Variants in ARID3A observed in about 807,000 individuals in gnomAD.
The protein encoded by ARID3A is AT-rich interaction domain 3A.
A neutral mutation model predicts 52.7 loss-of-function variants in ARID3A; 11 were observed. The ratio of observed to expected loss-of-function variants is 0.21; its 90% CI spans 0.13 to 0.35. The LOEUF (loss-of-function observed/expected upper bound fraction) is 0.35, where lower values mean the gene tolerates loss of function less well. ARID3A is among the 10% of genes least tolerant of loss of function. The pLI, the probability that ARID3A is intolerant of heterozygous loss-of-function variation, is 1.00. For missense variants in ARID3A, 721 were observed against 838.5 expected (o/e 0.86, Z 1.73); for synonymous variants, 404 against 359.4 (o/e 1.12, Z -1.40).
rs1036492946 is a variant in ARID3A at position 944,076 on chromosome 19, G to A, written c.693+11334G>A. On this transcript the variant is annotated intron_variant, in intron 3 of 8. Coordinates refer to ENST00000263620, the MANE Select transcript of ARID3A (RefSeq NM_005224.3). The surrounding 1 kb of genome is among the most constrained non-coding windows in gnomAD (Gnocchi z 5.9). The stretch of plus-strand genomic sequence containing the variant: ...TTACGGGGCATCTGTATGCCAGCCC[G>A]ACCCTCTCATGGGCACCTACAGGGT... 6.1e-5 allele frequency among the ~76,000 whole-genome samples: 9 copies of A among 147,226 alleles called. No homozygotes were observed. The highest frequency in any genetic ancestry group is 8.9e-5 in the Non-Finnish European group (6 of 67,242).
At chr19:957,185 TC>T (rs940522612) in intron 3 of ARID3A, among the ~76,000 whole-genome samples, 3 of 151,960 alleles carry the variant, frequency 2.0e-5, no homozygotes, top group Admixed American at 1.3e-4. Context: ...TGGAAGACGT[TC>T]CGGGGCCTGG....
chr19:971,530 C>T (rs913095767), intron 8 of ARID3A, among the ~76,000 whole-genome samples: 6 of 152,158 alleles, frequency 3.9e-5, no homozygotes, highest in Admixed American at 3.9e-4. Context: ...AGGAAAACTG[C>T]TTGAACCCAG....
intron 3 of ARID3A, among the ~76,000 whole-genome samples, chr19:933,516 C>T (rs2037376088): frequency 6.6e-6 from 1 of 152,180 alleles, no homozygotes; most frequent in African/African-American, 2.4e-5. Context: ...GGGGAGCCAC[C>T]TCCTCGCCCG....
At chr19:956,085 C>T (rs746620809) in intron 3 of ARID3A, among the ~76,000 whole-genome samples, 1 of 152,180 alleles carries the variant, frequency 6.6e-6, no homozygotes, top group Non-Finnish European at 1.5e-5. Flanking sequence ...AATTTGATCA[C>T]GTCTGCAAAG....
chr19:944,225 G>C lies in ARID3A; in HGVS notation c.693+11483G>C, dbSNP rs559474169. Among the ~76,000 whole-genome samples, 1 of 152,364 alleles carries C rather than the reference G, an allele frequency of 6.6e-6. No individual in the cohort carries two copies. Among genetic ancestry groups the C allele is most frequent in the East Asian group, 1.9e-4 (1 of 5,196 alleles). On this transcript the variant is annotated intron_variant, in intron 3 of 8. Coordinates refer to ENST00000263620, the MANE Select transcript of ARID3A (RefSeq NM_005224.3). The surrounding 1 kb of genome is among the most constrained non-coding windows in gnomAD (Gnocchi z 5.9). Reference sequence around the variant, plus strand: ...AGAAGCTCCTGCCGCCGGCACTGGAGTCCTGACGTCGGCAGCGCGGTGGAG... The same window carrying C: ...AGAAGCTCCTGCCGCCGGCACTGGACTCCTGACGTCGGCAGCGCGGTGGAG...
At chr19:939,322 T>C (rs2037498497) in intron 3 of ARID3A, among the ~76,000 whole-genome samples, 1 of 152,120 alleles carries the variant, frequency 6.6e-6, no homozygotes, top group African/African-American at 2.4e-5. Flanking sequence ...TTTCACCATG[T>C]TGCCCAGGGT....
rs915049974 is a variant in ARID3A, at chr19:942,783, C to T, written c.693+10041C>T. ...TTCCATGCCCAGCAGCCTCCTCTGC[C>T]ACCCTCAGAGACGGAGAACGTGAGA... On this transcript the variant is annotated intron_variant, in intron 3 of 8. Coordinates refer to ENST00000263620, the MANE Select transcript of ARID3A (RefSeq NM_005224.3). The surrounding 1 kb of genome is among the most constrained non-coding windows in gnomAD (Gnocchi z 8.1). Among the ~76,000 whole-genome samples the T allele has an allele frequency of 3.3e-5, 5 of 152,226 alleles. No individual in the cohort carries two copies. The highest frequency in any genetic ancestry group is 9.6e-5 in the African/African-American group (4 of 41,454).
chr19:927,369 G>T (rs1347508270), intron 1 of ARID3A, among the ~76,000 whole-genome samples: 1 of 151,416 alleles, frequency 6.6e-6, no homozygotes, highest in East Asian at 1.9e-4. Flanking sequence ...TGGCGGCGAT[G>T]GGGGGGCACC....
chr19:971,244 G>A (rs923466875), intron 8 of ARID3A, among the ~76,000 whole-genome samples: 3 of 152,216 alleles, frequency 2.0e-5, no homozygotes, highest in Non-Finnish European at 2.9e-5. Flanking sequence ...GAGGCAGGAG[G>A]ATTGTTTTAG....
chr19:929,466 C>T lies in ARID3A; in HGVS notation c.-63C>T. The T allele has an allele frequency of 3.5e-6, 5 of 1,428,822 alleles. No homozygotes were observed. The highest frequency in any genetic ancestry group is 4.6e-6 in the Non-Finnish European group (5 of 1,098,014). 88.5% of individuals were successfully genotyped at this position (1,428,822 alleles called of 1,614,324 possible). Reference sequence around the variant, plus strand: ...CTCCCCGCAGGGGCCGCCCCCGCCGCCCACCCCTAGCGCCCGTGGTGGTGG... The same window carrying T: ...CTCCCCGCAGGGGCCGCCCCCGCCGTCCACCCCTAGCGCCCGTGGTGGTGG... On this transcript the variant is annotated 5_prime_UTR_variant, in exon 2 of 9. Transcript: ENST00000263620. The surrounding 1 kb of genome is among the most constrained non-coding windows in gnomAD (Gnocchi z 6.2).
chr19:932,519 AG>A lies in ARID3A; in HGVS notation c.474del (p.Leu159TrpfsTer53). The A allele has an allele frequency of 6.5e-7, 1 of 1,536,136 alleles. No individual in the cohort carries two copies. The highest frequency in any genetic ancestry group is 8.7e-7 in the Non-Finnish European group (1 of 1,145,814). ...YEDEEEEEDE[E>X]GLGPPGPASL... ...GATGAGGAGGAGGAGGAGGACGAGG[AG>A]GGGCTGGGCCCCCCAGGCCCTGCCA... On this transcript the variant is annotated frameshift_variant, in exon 3 of 9. Coordinates refer to ENST00000263620, the MANE Select transcript of ARID3A (RefSeq NM_005224.3). LOFTEE classifies it high-confidence loss of function.
At chr19:971,708 G>A (rs1385829672) in intron 8 of ARID3A, among the ~76,000 whole-genome samples, 170 bp from the exon 9 acceptor site, 1 of 152,152 alleles carries the variant, frequency 6.6e-6, no homozygotes, top group Non-Finnish European at 1.5e-5. Flanking sequence ...GATCACTTGA[G>A]CCCATGAGGT....
intron 3 of ARID3A, among the ~76,000 whole-genome samples, chr19:935,025 C>G (rs914055046): frequency 6.6e-6 from 1 of 152,204 alleles, no homozygotes; most frequent in African/African-American, 2.4e-5. Context: ...CCCAACCAGC[C>G]CAGTCAGTGT....
rs2037208298 is a variant in ARID3A at position 926,740 on chromosome 19, CT to C, written c.-268+682del. 4.0e-5 allele frequency among the ~76,000 whole-genome samples: 6 copies of C among 151,746 alleles called. No homozygotes were observed. In the South Asian group the frequency reaches 1.0e-3, roughly 26 times the overall value. On this transcript the variant is annotated intron_variant, in intron 1 of 8. Transcript: ENST00000263620. The stretch of plus-strand genomic sequence containing the variant: ...GGCGGGGATACCCAGGAAGAGCCCC[CT>C]GACCCGTTTCAGGGCCCCCCAGACA...
Position 952,719 on chromosome 19 carries a change from C to T in ARID3A, c.694-7373C>T, listed in dbSNP as rs1359006101. Among the ~76,000 whole-genome samples, 4 of 152,338 alleles carry T rather than the reference C, an allele frequency of 2.6e-5. No individual in the cohort carries two copies. The East Asian group carries it at 5.8e-4, about 22-fold the overall frequency. On this transcript the variant is annotated intron_variant, in intron 3 of 8. Transcript: ENST00000263620. ...CCGTGGCCTCATCCCCAGGTGGGGCCTCATGGACTTTGGAGCCTCCTGGGA... is the reference window on the plus strand; with the variant it reads ...CCGTGGCCTCATCCCCAGGTGGGGCTTCATGGACTTTGGAGCCTCCTGGGA...
At chr19:928,567 A>G (rs2037249086) in intron 1 of ARID3A, 1 of 152,146 alleles carries the variant, frequency 6.6e-6, no homozygotes, top group Non-Finnish European at 1.5e-5. Flanking sequence ...CATGTCTCCA[A>G]GCAGAGGATC....
intron 6 of ARID3A, among the ~76,000 whole-genome samples, chr19:965,991 CAA>C (rs35807859): frequency 0.018 from 1,913 of 106,554 alleles, 12 homozygotes; most frequent in Non-Finnish European, 0.025. Flanking sequence ...GACTCCGTGT[CAA>C]AAAAAAAAAA....
rs960146890 is a variant in ARID3A at position 951,411 on chromosome 19, G to T, written c.694-8681G>T. Among the ~76,000 whole-genome samples, 8 of 151,998 alleles carry T rather than the reference G, an allele frequency of 5.3e-5. 1 individual carries two copies. Among genetic ancestry groups the T allele is most frequent in the Middle Eastern group, 6.3e-3 (2 of 316 alleles). ...ATCTCTACTAAAAATACAAAAATTA[G>T]CCAGGAGTGGTGGCAGGTGCCTGTG... is the stretch of plus-strand genomic sequence containing the variant. On this transcript the variant is annotated intron_variant, in intron 3 of 8. Transcript: ENST00000263620.
At chr19:955,589 T>C (rs2037900277) in intron 3 of ARID3A, among the ~76,000 whole-genome samples, 1 of 152,124 alleles carries the variant, frequency 6.6e-6, no homozygotes, top group South Asian at 2.1e-4. Flanking sequence ...GATGTGAGGG[T>C]AGCTGGGGCG....
Sources: gnomAD v4.1 joint callset for allele counts (sites outside exome capture counted in the v4.1 genomes callset) on GRCh38, gnomAD v4.1.1 for gene constraint, Gnocchi (gnomAD v3.1) non-coding constraint, MANE v1.5 for transcripts, NCBI Gene and HGNC (gene_info 2026-07-23, HGNC 2026-07-21) for gene names.